The following CSMD1 variants were observed in gnomAD, a reference collection of about 807,000 sequenced individuals.
CSMD1 encodes CUB and Sushi multiple domains 1.
Under a neutral mutation model 417.5 loss-of-function variants are expected in CSMD1, and 213 were observed. The ratio of observed to expected loss-of-function variants is 0.51; its 90% CI spans 0.46 to 0.57. The LOEUF (loss-of-function observed/expected upper bound fraction) is 0.57, where lower values mean the gene tolerates loss of function less well. CSMD1 is among the 20% of genes least tolerant of loss of function. The pLI is 0.00. For synonymous variants in CSMD1, 2,862 were observed against 1,736.8 expected, an observed-to-expected ratio of 1.65 and a Z score of -16.11; for missense variants, 6,923 against 4,529.7, an observed-to-expected ratio of 1.53 and a Z score of -15.17.
chr8:4,446,918 G>A (rs1034378921), intron 2 of CSMD1, among the ~76,000 whole-genome samples: 3 of 150,266 alleles, frequency 2.0e-5, no homozygotes, highest in East Asian at 3.9e-4. Context: ...ATTGCGCCTG[G>A]CAGAGACCGT....
At chr8:3,384,598 C>A (rs900239170) in intron 18 of CSMD1, among the ~76,000 whole-genome samples, 1 of 146,282 alleles carries the variant, frequency 6.8e-6, no homozygotes, top group Non-Finnish European at 1.5e-5. Context: ...CATTTCTTTT[C>A]CAAATTAATT....
intron 3 of CSMD1, among the ~76,000 whole-genome samples, chr8:4,128,838 T>C (rs1035050264): frequency 2.0e-5 from 3 of 152,046 alleles, no homozygotes; most frequent in African/African-American, 7.2e-5. Context: ...ATTCATGTCA[T>C]TATTGGTAAG....
chr8:4,906,734 T>A (rs2117069477), intron 1 of CSMD1, among the ~76,000 whole-genome samples: 1 of 152,226 alleles, frequency 6.6e-6, no homozygotes, highest in Admixed American at 6.5e-5. Context: ...TTTTTGTATT[T>A]TTTTTAGTAG....
chr8:3,107,315 T>C (rs944707547), intron 45 of CSMD1, among the ~76,000 whole-genome samples: 3 of 152,222 alleles, frequency 2.0e-5, no homozygotes, highest in African/African-American at 4.8e-5. Flanking sequence ...GTCACTGTTA[T>C]GTAATCATCC....
chr8:3,963,598 A>C (rs1007462147), intron 5 of CSMD1, among the ~76,000 whole-genome samples: 2 of 152,210 alleles, frequency 1.3e-5, no homozygotes, highest in Admixed American at 6.5e-5. Flanking sequence ...CAAAAAATAA[A>C]GTTTAAATTT....
chr8:3,236,274 C>G (rs1014853022), intron 26 of CSMD1, among the ~76,000 whole-genome samples: 1 of 152,074 alleles, frequency 6.6e-6, no homozygotes, highest in African/African-American at 2.4e-5. Flanking sequence ...ATGTATATAT[C>G]TGCTTGTATA....
chr8:4,220,182 G>A (rs546807416), intron 3 of CSMD1, among the ~76,000 whole-genome samples: 20 of 152,262 alleles, frequency 1.3e-4, no homozygotes, highest in South Asian at 6.2e-4. Flanking sequence ...AACTCCTGAC[G>A]TCAGGTGATG....
intron 41 of CSMD1, among the ~76,000 whole-genome samples, chr8:3,129,980 CA>C (rs1349668883): frequency 9.0e-5 from 13 of 143,702 alleles, no homozygotes; most frequent in South Asian, 2.2e-4. Context: ...GACTCTGTCC[CA>C]AAAAAAAAAG....
At chr8:3,619,054 G>C (rs147238783) in intron 7 of CSMD1, among the ~76,000 whole-genome samples, 94 of 152,096 alleles carry the variant, frequency 6.2e-4, no homozygotes, top group African/African-American at 2.2e-3. Context: ...ACTGCAGCAA[G>C]ATTGCAAACC....
intron 25 of CSMD1, among the ~76,000 whole-genome samples, chr8:3,301,092 A>G (rs1804366663): frequency 1.3e-5 from 2 of 152,168 alleles, no homozygotes; most frequent in Admixed American, 1.3e-4. Context: ...TTTGCCATTG[A>G]TGTCTATAGG....
intron 2 of CSMD1, among the ~76,000 whole-genome samples, chr8:4,459,827 A>C (rs1799700840): frequency 6.6e-6 from 1 of 152,208 alleles, no homozygotes; most frequent in Non-Finnish European, 1.5e-5. Flanking sequence ...ACTTTGTGTC[A>C]CTGGGCCTAG....
intron 3 of CSMD1, among the ~76,000 whole-genome samples, chr8:4,050,557 A>G (rs1469963449): frequency 6.6e-6 from 1 of 151,910 alleles, no homozygotes; most frequent in Non-Finnish European, 1.5e-5. Flanking sequence ...TTCATGTTAC[A>G]AACAATCTAA....
intron 12 of CSMD1, among the ~76,000 whole-genome samples, chr8:3,438,344 T>A (rs1316680504): frequency 6.6e-6 from 1 of 152,162 alleles, no homozygotes. Context: ...TATACTGACG[T>A]TGAAACAGGT....
chr8:4,941,791 G>T (rs1808020956), intron 1 of CSMD1, among the ~76,000 whole-genome samples: 1 of 152,072 alleles, frequency 6.6e-6, no homozygotes, highest in Non-Finnish European at 1.5e-5. Flanking sequence ...TAGGGACAGG[G>T]TCTCCCCATG....
chr8:3,022,028 C>A (rs1585168965), intron 51 of CSMD1, among the ~76,000 whole-genome samples: 1 of 148,812 alleles, frequency 6.7e-6, no homozygotes, highest in Admixed American at 6.7e-5. Context: ...CCAGAATGCA[C>A]CTGCAATCCC....
intron 7 of CSMD1, among the ~76,000 whole-genome samples, chr8:3,618,182 C>A (rs1036206927): frequency 2.4e-4 from 37 of 152,076 alleles, no homozygotes; most frequent in African/African-American, 8.9e-4. Flanking sequence ...AAAAAAAAAT[C>A]TTTTCTAGAG....
At chr8:4,535,857 C>T (rs896107073) in intron 2 of CSMD1, among the ~76,000 whole-genome samples, 1 of 152,164 alleles carries the variant, frequency 6.6e-6, no homozygotes, top group Non-Finnish European at 1.5e-5. Flanking sequence ...GCTTCCAATT[C>T]AAACTTAGGG....
At chr8:4,301,227 C>T (rs909439249) in intron 3 of CSMD1, among the ~76,000 whole-genome samples, 1 of 152,150 alleles carries the variant, frequency 6.6e-6, no homozygotes, top group East Asian at 1.9e-4. Flanking sequence ...TTTGTCAAAA[C>T]AATCTCATAA....
chr8:3,480,966 C>A (rs933029807), intron 11 of CSMD1, among the ~76,000 whole-genome samples: 1 of 151,626 alleles, frequency 6.6e-6, no homozygotes, highest in Admixed American at 6.6e-5. Context: ...ACTATCCTGG[C>A]TAACATAGTG....
Sources: allele counts gnomAD v4.1 joint callset (sites outside exome capture counted in the v4.1 genomes callset), GRCh38; gene constraint gnomAD v4.1.1; transcripts MANE v1.5; gene names NCBI Gene and HGNC (gene_info 2026-07-23, HGNC 2026-07-21).